Variants in RAPGEF2 observed in about 807,000 individuals in gnomAD.
The protein encoded by RAPGEF2 is PDZ domain containing guanine nucleotide exchange factor (GEF) 1.
In RAPGEF2, 54 loss-of-function variants were observed where a neutral mutation model predicts 186.7. The ratio of observed to expected loss-of-function variants is 0.29; its 90% CI spans 0.23 to 0.36. RAPGEF2 has a LOEUF of 0.36. Among genes scored for constraint, RAPGEF2 ranks in the 10% least tolerant of loss-of-function variants. The pLI is 1.00. For synonymous variants in RAPGEF2, 712 were observed against 705.9 expected (o/e 1.01, Z -0.14); for missense variants, 1,532 against 2,045.0 (o/e 0.75, Z 4.84).
chr4:159,258,039 G>A (rs1579642469), intron 7 of RAPGEF2, among the ~76,000 whole-genome samples: 1 of 152,150 alleles, frequency 6.6e-6, no homozygotes, highest in Non-Finnish European at 1.5e-5. Flanking sequence ...CCTAGGTAAT[G>A]TAATCTTCCA....
chr4:159,276,076 T>G (rs1420803085), intron 7 of RAPGEF2, among the ~76,000 whole-genome samples: 2 of 152,166 alleles, frequency 1.3e-5, no homozygotes, highest in African/African-American at 4.8e-5. Context: ...TATCCCAGTA[T>G]CTTTAATTGT....
intron 7 of RAPGEF2, among the ~76,000 whole-genome samples, chr4:159,249,154 T>G (rs1281248219): frequency 6.6e-6 from 1 of 152,214 alleles, no homozygotes; most frequent in Non-Finnish European, 1.5e-5. Flanking sequence ...TAAATATACT[T>G]GGCTAAAATT....
chr4:159,325,568 G>A (rs1005208471), intron 11 of RAPGEF2, among the ~76,000 whole-genome samples: 3 of 151,804 alleles, frequency 2.0e-5, no homozygotes, highest in African/African-American at 7.3e-5. Flanking sequence ...TTGAGTTAGA[G>A]TGTGTGTCCT....
chr4:159,354,168 C>T, intron 28 of RAPGEF2, 122 bp downstream of exon 28: 1 of 1,092,094 alleles, frequency 9.2e-7, no homozygotes, highest in Non-Finnish European at 1.3e-6. Context: ...CTATGTAGGA[C>T]TTCCAAATTA....
chr4:159,306,031 A>G (rs915105821), intron 8 of RAPGEF2, among the ~76,000 whole-genome samples: 8 of 152,116 alleles, frequency 5.3e-5, no homozygotes, highest in African/African-American at 1.9e-4. Context: ...CTATTTTAAT[A>G]CCAGTATCAT....
chr4:159,346,786 C>G lies in RAPGEF2; in HGVS notation c.3503-3C>G, dbSNP rs1730379396. On this transcript the variant is annotated splice_polypyrimidine_tract_variant and splice_region_variant and intron_variant, in intron 24 of 29. Coordinates refer to ENST00000691494, the MANE Select transcript of RAPGEF2 (RefSeq NM_001394067.2). ...TCTATTTTCAAACCCAAACAATTATCAGTGCCTAAGAATCCTGGTGACAAA... is the reference window on the plus strand; with the variant it reads ...TCTATTTTCAAACCCAAACAATTATGAGTGCCTAAGAATCCTGGTGACAAA... 1.2e-6 allele frequency: 2 copies of G among 1,612,640 alleles called. No individual in the cohort carries two copies. The highest frequency in any genetic ancestry group is 1.3e-5 in the African/African-American group (1 of 74,964).
intron 7 of RAPGEF2, chr4:159,282,548 T>C: frequency 2.4e-6 from 1 of 417,152 alleles, no homozygotes; most frequent in Non-Finnish European, 4.7e-6. Flanking sequence ...GTTCATTATG[T>C]GGATACAAAT....
chr4:159,343,244 G>A (rs747405331), intron 21 of RAPGEF2, 37 bp from the exon 22 acceptor site: 2 of 1,614,020 alleles, frequency 1.2e-6, no homozygotes, highest in Non-Finnish European at 1.7e-6. Flanking sequence ...CAGAATAAAT[G>A]CCATGTGATT....
At chr4:159,214,540 G>A (rs928053154) in intron 4 of RAPGEF2, among the ~76,000 whole-genome samples, 2 of 152,170 alleles carry the variant, frequency 1.3e-5, no homozygotes, top group East Asian at 3.9e-4. Flanking sequence ...TTAAAAAATT[G>A]TAATAGAAAT....
At chr4:159,128,977 A>G (rs1740704476) in intron 1 of RAPGEF2, 2 of 147,920 alleles carry the variant, frequency 1.4e-5, no homozygotes, top group Non-Finnish European at 3.0e-5. Flanking sequence ...TATTTTAAGT[A>G]TATTTTTTGG....
chr4:159,322,275 A>G (rs929274026), intron 9 of RAPGEF2, 72 bp from the exon 10 acceptor site: 7 of 1,457,650 alleles, frequency 4.8e-6, no homozygotes, highest in African/African-American at 1.4e-5. Context: ...AAAGGACCCT[A>G]AAACATTCTT....
chr4:159,111,430 C>T (rs1034862072), intron 1 of RAPGEF2, among the ~76,000 whole-genome samples: 1 of 152,192 alleles, frequency 6.6e-6, no homozygotes, highest in East Asian at 1.9e-4. Flanking sequence ...ATGTACATTT[C>T]GCTGCCATTT....
intron 1 of RAPGEF2, among the ~76,000 whole-genome samples, chr4:159,174,975 T>A (rs1442100198): frequency 6.6e-6 from 1 of 152,174 alleles, no homozygotes; most frequent in Non-Finnish European, 1.5e-5. Flanking sequence ...TTTCCCATGT[T>A]GGTTTCAAAC....
intron 11 of RAPGEF2, among the ~76,000 whole-genome samples, chr4:159,324,487 T>C (rs1376547907): frequency 6.6e-6 from 1 of 152,256 alleles, no homozygotes; most frequent in Non-Finnish European, 1.5e-5. Flanking sequence ...CAGTAATTAA[T>C]AATCTCATCA....
Position 159,331,643 on chromosome 4 carries a change from A to C in RAPGEF2, c.1589A>C (p.His530Pro). The C allele has an allele frequency of 6.2e-7, 1 of 1,614,166 alleles. No individual in the cohort carries two copies. The highest frequency in any genetic ancestry group is 8.5e-7 in the Non-Finnish European group (1 of 1,180,004). ...NNLEREKMGGHLRLLNIACAA... is the reference protein window; with the variant it reads ...NNLEREKMGGPLRLLNIACAA... Reference sequence around the variant, plus strand: ...GAACTCTTAAAGAAAATGGGTGGACACCTAAGGCTGTTGAATATCGCGTGT... The same window carrying C: ...GAACTCTTAAAGAAAATGGGTGGACCCCTAAGGCTGTTGAATATCGCGTGT... The change falls in exon 15 of 30, where the codon CAC (histidine) becomes CCC (proline). Residue 530 changes from histidine (H) to proline (P), a missense_variant. Physicochemically the swap from His to Pro is moderately conservative, Grantham distance 77. Around this residue, in one of 4 missense-constraint regions of RAPGEF2, gnomAD observed 810 missense variants for 1,210.5 expected, o/e 0.67. Transcript: ENST00000691494.
chr4:159,114,264 C>T (rs567871155), intron 1 of RAPGEF2, among the ~76,000 whole-genome samples: 3 of 152,092 alleles, frequency 2.0e-5, no homozygotes, highest in Admixed American at 6.5e-5. Context: ...CCACCATGCC[C>T]AGCTAATTTT....
intron 1 of RAPGEF2, among the ~76,000 whole-genome samples, chr4:159,111,984 T>C (rs762894745): frequency 6.6e-6 from 1 of 152,176 alleles, no homozygotes; most frequent in Non-Finnish European, 1.5e-5. Context: ...ATAGCCACAG[T>C]CACTCCCCCA....
At chr4:159,336,698 A>G (rs1408172339) in intron 17 of RAPGEF2, among the ~76,000 whole-genome samples, 1 of 152,124 alleles carries the variant, frequency 6.6e-6, no homozygotes, top group Non-Finnish European at 1.5e-5. Flanking sequence ...TCTTTAAAAA[A>G]TGTTTTTGCC....
intron 28 of RAPGEF2, 138 bp from the exon 29 acceptor site, chr4:159,355,715 C>A: frequency 2.5e-6 from 2 of 789,854 alleles, no homozygotes; most frequent in Non-Finnish European, 4.0e-6. Flanking sequence ...TGCCTCACAC[C>A]GCACCTCTAA....
Sources: allele counts gnomAD v4.1 joint callset (sites outside exome capture counted in the v4.1 genomes callset), GRCh38; gene constraint gnomAD v4.1.1; regional missense constraint gnomAD v4.1.1; transcripts MANE v1.5; gene names NCBI Gene and HGNC (gene_info 2026-07-23, HGNC 2026-07-21).